AFF1: variants seen among roughly 807,000 people sequenced by gnomAD.
AFF1 encodes the protein ALF transcription elongation factor 1.
Under a neutral mutation model 121.7 loss-of-function variants are expected in AFF1, and 48 were observed. That is an observed-to-expected ratio of 0.39 (90% confidence interval 0.31 to 0.50). The LOEUF (loss-of-function observed/expected upper bound fraction) is 0.50. Among genes scored for constraint, AFF1 ranks in the 20% least tolerant of loss-of-function variants. The pLI, the probability that AFF1 is intolerant of heterozygous loss-of-function variation, is 0.76. For missense variants in AFF1, 1,523 were observed against 1,511.7 expected (o/e 1.01, Z -0.12); for synonymous variants, 613 against 563.0 (o/e 1.09, Z -1.26).
intron 2 of AFF1, among the ~76,000 whole-genome samples, chr4:86,966,154 TTACCCACACACA>T (rs1235762878): frequency 1.3e-5 from 2 of 151,970 alleles, no homozygotes; most frequent in Admixed American, 1.3e-4. Context: ...AATATGCATC[TTACCCACACACA>T]TACCCACACC....
At chr4:87,121,606 G>A (rs1303497156) in intron 12 of AFF1, among the ~76,000 whole-genome samples, 4 of 152,182 alleles carry the variant, frequency 2.6e-5, no homozygotes, top group Non-Finnish European at 4.4e-5. Context: ...CTTCATGCCC[G>A]CTGGCTTGAT....
intron 4 of AFF1, among the ~76,000 whole-genome samples, chr4:87,079,537 T>C (rs1043081401): frequency 3.9e-5 from 6 of 152,350 alleles, no homozygotes; most frequent in African/African-American, 1.4e-4. Flanking sequence ...TTTTAGGTTA[T>C]GCATAGGACA....
At chr4:87,032,056 A>G (rs1578107597) in intron 2 of AFF1, among the ~76,000 whole-genome samples, 1 of 152,354 alleles carries the variant, frequency 6.6e-6, no homozygotes, top group East Asian at 1.9e-4. Context: ...ATCCAGCCCA[A>G]AGAATCCTGA....
Position 87,023,856 on chromosome 4 carries a change from T to C in AFF1, c.39-22310T>C, listed in dbSNP as rs535286635. Among the ~76,000 whole-genome samples the C allele has an allele frequency of 2.2e-4, 34 of 152,270 alleles. No homozygotes were observed. The East Asian group carries it at 6.2e-3, about 28-fold the overall frequency. On this transcript the variant is annotated intron_variant, in intron 2 of 20. Transcript: ENST00000395146. ...TTTTAGCTTTAGGGGGTTTTGTGGATGGAGAAAGAGGAGTGGTGTAAGGGA... is the reference window on the plus strand; with the variant it reads ...TTTTAGCTTTAGGGGGTTTTGTGGACGGAGAAAGAGGAGTGGTGTAAGGGA...
At position 87,046,150 on chromosome 4, in the gene AFF1, G is replaced by A; in HGVS notation, c.39-16G>A. 6.2e-7 allele frequency: 1 copy of A among 1,606,656 alleles called. No homozygotes were observed. Among genetic ancestry groups the A allele is most frequent in the Non-Finnish European group, 8.5e-7 (1 of 1,178,192 alleles). On this transcript the variant is annotated splice_polypyrimidine_tract_variant and intron_variant, in intron 2 of 20. Transcript: ENST00000395146. ...TAAATTTTATTGTTTTCATTCTTTT[G>A]TGGCATCTGAAACAGTTTGTACAAT...
chr4:87,021,104 C>A (rs527678513), intron 2 of AFF1, among the ~76,000 whole-genome samples: 1 of 152,268 alleles, frequency 6.6e-6, no homozygotes, highest in South Asian at 2.1e-4. Context: ...CCTTCTTTAC[C>A]CTTCTGAGGT....
chr4:86,965,609 A>G (rs1264795811), intron 2 of AFF1, among the ~76,000 whole-genome samples: 1 of 152,234 alleles, frequency 6.6e-6, no homozygotes, highest in East Asian at 1.9e-4. Context: ...GATGGCTCAC[A>G]GAAAAAAAAT....
intron 2 of AFF1, among the ~76,000 whole-genome samples, chr4:87,042,377 G>C (rs1458396396): frequency 6.6e-6 from 1 of 152,224 alleles, no homozygotes; most frequent in African/African-American, 2.4e-5. Flanking sequence ...AGGCAACCCA[G>C]AGCAGGGGCT....
intron 2 of AFF1, among the ~76,000 whole-genome samples, chr4:86,979,586 T>A (rs1211693635): frequency 6.6e-6 from 1 of 152,238 alleles, no homozygotes; most frequent in Non-Finnish European, 1.5e-5. Context: ...TGAAAGTTCT[T>A]ATTTTAAAAT....
chr4:87,045,954 G>C (rs1271273878), intron 2 of AFF1, among the ~76,000 whole-genome samples: 1 of 152,146 alleles, frequency 6.6e-6, no homozygotes, highest in Non-Finnish European at 1.5e-5. Flanking sequence ...GGTTTTGGGA[G>C]CCAGGACCCC....
intron 2 of AFF1, among the ~76,000 whole-genome samples, chr4:87,019,435 A>G (rs574354339): frequency 6.6e-6 from 1 of 152,356 alleles, no homozygotes; most frequent in East Asian, 1.9e-4. Context: ...TTCCTGCCCC[A>G]TACTCTGGAG....
At chr4:87,090,418 C>T (rs764907331) in intron 6 of AFF1, among the ~76,000 whole-genome samples, 9 of 152,200 alleles carry the variant, frequency 5.9e-5, no homozygotes, top group Non-Finnish European at 1.3e-4. Flanking sequence ...ATACATCTTA[C>T]ATATCTCACA....
At chr4:87,022,797 GTA>G (rs1319979672) in intron 2 of AFF1, among the ~76,000 whole-genome samples, 3 of 150,540 alleles carry the variant, frequency 2.0e-5, no homozygotes, top group Admixed American at 6.6e-5. Context: ...TCACGTGTGT[GTA>G]TATATATGCA....
intron 2 of AFF1, among the ~76,000 whole-genome samples, chr4:86,996,883 T>C (rs568450665): frequency 2.5e-4 from 38 of 152,316 alleles, no homozygotes; most frequent in African/African-American, 8.2e-4. Flanking sequence ...TGGGTTACCA[T>C]GGGAGGAGAA....
intron 11 of AFF1, among the ~76,000 whole-genome samples, chr4:87,112,719 G>C (rs1726668561): frequency 6.6e-6 from 1 of 152,156 alleles, no homozygotes; most frequent in Non-Finnish European, 1.5e-5. Context: ...CTACCGGAGT[G>C]TTCTCCTTAT....
At chr4:87,052,118 A>G (rs1731328198) in intron 4 of AFF1, among the ~76,000 whole-genome samples, 1 of 152,088 alleles carries the variant, frequency 6.6e-6, no homozygotes, top group Non-Finnish European at 1.5e-5. Flanking sequence ...AACAAGTGTA[A>G]AGGCCTGAAT....
At chr4:87,054,423 C>G (rs1578154758) in intron 4 of AFF1, among the ~76,000 whole-genome samples, 2 of 152,212 alleles carry the variant, frequency 1.3e-5, no homozygotes, top group South Asian at 4.1e-4. Context: ...CCAAGACTCT[C>G]CTCCTCTTTT....
At chr4:87,119,668 G>T (rs2149780283) in intron 12 of AFF1, among the ~76,000 whole-genome samples, 1 of 152,294 alleles carries the variant, frequency 6.6e-6, no homozygotes, top group South Asian at 2.1e-4. Context: ...ACTTCATTCA[G>T]TCATCTTACA....
chr4:86,970,417 CCTT>C (rs1225322471), intron 2 of AFF1, among the ~76,000 whole-genome samples: 2 of 152,162 alleles, frequency 1.3e-5, no homozygotes, highest in African/African-American at 2.4e-5. Context: ...CCTGCTACCT[CCTT>C]AAGAAGATAA....
Sources: gnomAD v4.1 joint callset for allele counts (sites outside exome capture counted in the v4.1 genomes callset) on GRCh38, gnomAD v4.1.1 for gene constraint, MANE v1.5 for transcripts, NCBI Gene and HGNC (gene_info 2026-07-23, HGNC 2026-07-21) for gene names.